Variants in REL observed in about 807,000 individuals in gnomAD.
REL encodes the protein REL proto-oncogene, NF-kB subunit, also known as proto-oncogene c-Rel.
In REL, 15 loss-of-function variants were observed where a neutral mutation model predicts 45.9. The ratio of observed to expected loss-of-function variants is 0.33; its 90% CI spans 0.22 to 0.50. The LOEUF is 0.50. Ranked by LOEUF, REL falls within the 20% of genes least tolerant of loss-of-function variation. The pLI, the probability that REL is intolerant of heterozygous loss-of-function variation, is 0.98. For synonymous variants in REL, 239 were observed against 242.1 expected (o/e 0.99, Z 0.12); for missense variants, 601 against 715.2 (o/e 0.84, Z 1.82).
rs1407426225 is a variant in REL, at chr2:60,931,014, TC to T, written c.*8481del. The T allele has an allele frequency of 6.6e-6, 1 of 152,366 alleles. No individual in the cohort carries two copies. Among genetic ancestry groups the T allele is most frequent in the East Asian group, 1.9e-4 (1 of 5,344 alleles). The allele number at this position is 152,366 out of a possible 1,614,324, so 9.4% of individuals were successfully genotyped here. On this transcript the variant is annotated 3_prime_UTR_variant, in exon 10 of 10. Transcript: ENST00000394479. The stretch of plus-strand genomic sequence containing the variant: ...ATCAAACATTCATCTTGCCCATTTT[TC>T]CTCTTAAACTTTATTATCTAATCAA...
rs1573315005 is a variant in REL, at chr2:60,891,159, A to G, written c.11-524A>G. Among the ~76,000 whole-genome samples the G allele has an allele frequency of 2.6e-5, 4 of 152,322 alleles. No individual in the cohort carries two copies. In the South Asian group the frequency reaches 8.3e-4, roughly 32 times the overall value. On this transcript the variant is annotated intron_variant, in intron 1 of 9. Coordinates refer to ENST00000394479, the MANE Select transcript of REL (RefSeq NM_001291746.2). The stretch of plus-strand genomic sequence containing the variant: ...CCTTTAATATTTGAATGGAGATATA[A>G]AAAACTTACATATGCTTCTGCAAGG...
chr2:60,900,360 T>A (rs1238188935), intron 3 of REL: 1 of 152,416 alleles, frequency 6.6e-6, no homozygotes, highest in East Asian at 1.9e-4. Context: ...GATTTGATTC[T>A]GAATTTGTTT....
intron 1 of REL, among the ~76,000 whole-genome samples, chr2:60,885,113 A>G (rs1673039864): frequency 1.3e-5 from 2 of 152,318 alleles, no homozygotes; most frequent in Non-Finnish European, 2.9e-5. Flanking sequence ...GAGCCAGACA[A>G]TGAATCATAA....
At chr2:60,892,339 GT>G (rs1486004002) in intron 2 of REL, among the ~76,000 whole-genome samples, 2 of 152,028 alleles carry the variant, frequency 1.3e-5, no homozygotes, top group Non-Finnish European at 2.9e-5. Flanking sequence ...TATAAATGCA[GT>G]TTTTTCACAT....
rs777606245 is a variant in REL at position 60,916,901 on chromosome 2, T to A, written c.419T>A (p.Ile140Asn). The part of the protein sequence containing the change: ...FNVPEKQLND[I>N]EDCDLNVVRL... ...GTCCCTGAAAAACAGCTGAATGATA[T>A]TGAAGATTGTGACCTCAATGTGGTG... Residue 140 changes from isoleucine (I) to asparagine (N), a missense_variant, in exon 5 of 10, where the codon ATT becomes AAT. Physicochemically the swap from Ile to Asn is moderately radical, Grantham distance 149. Around this residue, in one of 4 missense-constraint regions of REL, gnomAD observed 241 missense variants for 347.0 expected, o/e 0.69. Transcript: ENST00000394479. 3 of 1,613,344 alleles carry A rather than the reference T, an allele frequency of 1.9e-6. No homozygotes were observed. The highest frequency in any genetic ancestry group is 2.5e-6 in the Non-Finnish European group (3 of 1,179,620).
Position 60,921,836 on chromosome 2 carries a change from C to T in REL, c.1065C>T (p.Tyr355=), listed in dbSNP as rs377429180. The T allele has an allele frequency of 5.0e-6, 8 of 1,613,978 alleles. No individual in the cohort carries two copies. Among genetic ancestry groups the T allele is most frequent in the Non-Finnish European group, 6.8e-6 (8 of 1,179,998 alleles). ...PTGVSSQAES[Y]YPSPGPISSG... Reference sequence around the variant, plus strand: ...GGGTTTCAAGTCAAGCAGAATCCTACTATCCCTCACCTGGGCCCATCTCAA... The same window carrying T: ...GGGTTTCAAGTCAAGCAGAATCCTATTATCCCTCACCTGGGCCCATCTCAA... Residue 355 remains tyrosine, a synonymous_variant, in exon 10 of 10, where the codon TAC becomes TAT. Transcript: ENST00000394479.
chr2:60,891,532 C>A, intron 1 of REL, 151 bp from the exon 2 acceptor site: 1 of 680,052 alleles, frequency 1.5e-6, no homozygotes, highest in Non-Finnish European at 2.4e-6. Context: ...CCCAGCCAAT[C>A]TCCAAGATAA....
Position 60,918,613 on chromosome 2 carries a change from C to A in REL, c.853+7C>A. 1 of 1,584,048 alleles carries A rather than the reference C, an allele frequency of 6.3e-7. No homozygotes were observed. Among genetic ancestry groups the A allele is most frequent in the Non-Finnish European group, 8.7e-7 (1 of 1,152,800 alleles). On this transcript the variant is annotated splice_region_variant and intron_variant, in intron 7 of 9. Transcript: ENST00000394479. ...TATCTGCCAGATGAAAAAGGTATGA[C>A]ATTTTGCTGGTAATAATTTATATAT...
chr2:60,884,086 C>T (rs1673013357), intron 1 of REL, among the ~76,000 whole-genome samples: 1 of 147,100 alleles, frequency 6.8e-6, no homozygotes, highest in Admixed American at 6.8e-5. Context: ...AGTAATTTAA[C>T]CGGAAGAGTG....
chr2:60,886,882 T>A (rs1369862812), intron 1 of REL, among the ~76,000 whole-genome samples: 2 of 152,198 alleles, frequency 1.3e-5, no homozygotes, highest in East Asian at 3.8e-4. Context: ...GAAGTTATTC[T>A]GATGTATATT....
chr2:60,910,936 A>G lies in REL; in HGVS notation c.395-5941A>G, dbSNP rs899270305. The stretch of plus-strand genomic sequence containing the variant: ...GACAGAGTGAGACTCTGTCTCAAAC[A>G]AAACAAACAAAACTGAGTATCAATT... On this transcript the variant is annotated intron_variant, in intron 4 of 9. Coordinates refer to ENST00000394479, the MANE Select transcript of REL (RefSeq NM_001291746.2). Among the ~76,000 whole-genome samples, 5 of 152,358 alleles carry G rather than the reference A, an allele frequency of 3.3e-5. No homozygotes were observed. In the South Asian group the frequency reaches 1.0e-3, roughly 32 times the overall value.
Position 60,927,121 on chromosome 2 carries a change from TTAAG to T in REL, c.*4588_*4591del, listed in dbSNP as rs1244566646. On this transcript the variant is annotated 3_prime_UTR_variant, in exon 10 of 10. Transcript: ENST00000394479. ...GCCTGTATTACGGACATCCTCTTAT[TTAAG>T]TGTTTGTCTCTTTCGTCATTGGGAC... 4.4e-6 allele frequency: 1 copy of T among 225,854 alleles called. No individual in the cohort carries two copies. Among genetic ancestry groups the T allele is most frequent in the African/African-American group, 2.2e-5 (1 of 44,874 alleles). The allele number at this position is 225,854 out of a possible 1,614,324, so 14.0% of individuals were successfully genotyped here.
intron 7 of REL, 127 bp from the exon 8 acceptor site, chr2:60,919,914 A>C: frequency 1.6e-6 from 1 of 625,920 alleles, no homozygotes; most frequent in Non-Finnish European, 2.8e-6. Flanking sequence ...TATAATACTT[A>C]TTAAATCCAA....
At position 60,930,348 on chromosome 2, in the gene REL, T is replaced by TA. The variant is rs1418857527; in HGVS notation, c.*7815dup. 6.6e-6 allele frequency: 1 copy of TA among 152,348 alleles called. No homozygotes were observed. Among genetic ancestry groups the TA allele is most frequent in the Non-Finnish European group, 1.5e-5 (1 of 68,026 alleles). 9.4% of individuals were successfully genotyped at this position (152,348 alleles called of 1,614,324 possible). A position where few individuals can be genotyped will look rare whatever the true frequency, so the allele number is the denominator to read the frequency against. ...AATCATTATGGATTAGGTTCTTTAG[T>TA]AAGAAACCTGAGATGGACTTCTCAT... On this transcript the variant is annotated 3_prime_UTR_variant, in exon 10 of 10. Coordinates refer to ENST00000394479, the MANE Select transcript of REL (RefSeq NM_001291746.2).
intron 2 of REL, among the ~76,000 whole-genome samples, chr2:60,892,270 C>G (rs1374445992): frequency 6.6e-6 from 1 of 152,034 alleles, no homozygotes; most frequent in East Asian, 1.9e-4. Flanking sequence ...TCTCCTTTTT[C>G]TTAACTTTAT....
intron 1 of REL, among the ~76,000 whole-genome samples, chr2:60,885,717 A>T (rs1558784178): frequency 6.6e-6 from 1 of 152,132 alleles, no homozygotes; most frequent in Non-Finnish European, 1.5e-5. Context: ...AAAAATATAT[A>T]TTGTTAGCTC....
chr2:60,922,159 C>T lies in REL; in HGVS notation c.1388C>T (p.Ser463Phe). 1 of 1,614,070 alleles carries T rather than the reference C, an allele frequency of 6.2e-7. No individual in the cohort carries two copies. The highest frequency in any genetic ancestry group is 8.5e-7 in the Non-Finnish European group (1 of 1,179,994). Residue 463 changes from serine (S) to phenylalanine (F), a missense_variant, in exon 10 of 10, where the codon TCT becomes TTT. Physicochemically the swap from Ser to Phe is radical, Grantham distance 155 (BLOSUM62 -2). Coordinates refer to ENST00000394479, the MANE Select transcript of REL (RefSeq NM_001291746.2). Reference sequence around the variant, plus strand: ...GATCCCAACATGCTGTCTAATTGTTCTGTGAATATGATGACAACCAGCAGT... The same window carrying T: ...GATCCCAACATGCTGTCTAATTGTTTTGTGAATATGATGACAACCAGCAGT... ...ISDPNMLSNC[S>F]VNMMTTSSDS...
Position 60,881,815 on chromosome 2 carries a change from T to C in REL, c.-26T>C. 6.6e-7 allele frequency: 1 copy of C among 1,525,326 alleles called. No individual in the cohort carries two copies. The highest frequency in any genetic ancestry group is 2.0e-5 in the Admixed American group (1 of 49,822). The allele number at this position is 1,525,326 out of a possible 1,614,324, so 94.5% of individuals were successfully genotyped here. On this transcript the variant is annotated 5_prime_UTR_variant, in exon 1 of 10. Coordinates refer to ENST00000394479, the MANE Select transcript of REL (RefSeq NM_001291746.2). ...TCCGGCCAGGACGCTGGGAGCTGCC[T>C]GCGGGAAGGTGCGGGGAGCGGAGCC...
chr2:60,905,398 T>G (rs1214817436), intron 4 of REL, among the ~76,000 whole-genome samples: 2 of 152,160 alleles, frequency 1.3e-5, no homozygotes, highest in Non-Finnish European at 2.9e-5. Flanking sequence ...CCAGCCTGTT[T>G]GCAAATTCAT....
Sources: allele counts gnomAD v4.1 joint callset (sites outside exome capture counted in the v4.1 genomes callset), GRCh38; gene constraint gnomAD v4.1.1; regional missense constraint gnomAD v4.1.1; transcripts MANE v1.5; gene names NCBI Gene and HGNC (gene_info 2026-07-23, HGNC 2026-07-21).